The following SPMIP3 variants were observed in gnomAD, a reference collection of about 807,000 sequenced individuals.
SPMIP3 encodes the protein protein SPMIP3.
At chr1:244,369,230 C>G in the SPMIP3 span, among the ~76,000 whole-genome samples, 1 of 152,210 alleles carries the variant, frequency 6.6e-6, no homozygotes, top group Non-Finnish European at 1.5e-5. Flanking sequence ...AGGCCTGTCA[C>G]TCAGAGAAGG....
At chr1:244,359,047 C>T in the SPMIP3 span, among the ~76,000 whole-genome samples, 2 of 149,800 alleles carry the variant, frequency 1.3e-5, no homozygotes, top group African/African-American at 4.9e-5. Context: ...TGGTATGGGG[C>T]TATATTTTTT....
chr1:244,387,081 T>C, the SPMIP3 span, among the ~76,000 whole-genome samples: 1 of 152,222 alleles, frequency 6.6e-6, no homozygotes, highest in Non-Finnish European at 1.5e-5. Flanking sequence ...GGTGGGCGGA[T>C]CACTTGGGGT....
the SPMIP3 span, among the ~76,000 whole-genome samples, chr1:244,355,685 C>A: frequency 6.6e-6 from 1 of 152,106 alleles, no homozygotes; most frequent in African/African-American, 2.4e-5. Context: ...CGCGCCCAGC[C>A]CCAAATAAAT....
chr1:244,365,705 C>G, the SPMIP3 span, among the ~76,000 whole-genome samples: 2 of 152,154 alleles, frequency 1.3e-5, no homozygotes, highest in African/African-American at 2.4e-5. Flanking sequence ...GAAAAAGAAG[C>G]CTCACACTCA....
chr1:244,353,800 C>T, the SPMIP3 span, among the ~76,000 whole-genome samples: 1 of 152,160 alleles, frequency 6.6e-6, no homozygotes, highest in Non-Finnish European at 1.5e-5. Context: ...AAACTGCCTG[C>T]CTGAGAAAAC....
the SPMIP3 span, among the ~76,000 whole-genome samples, chr1:244,370,182 C>CACCA: frequency 3.3e-3 from 502 of 152,290 alleles, 3 homozygotes; most frequent in African/African-American, 0.011. Context: ...AGATGTTAGC[C>CACCA]ACCAAGTACA....
At chr1:244,374,769 T>C in the SPMIP3 span, among the ~76,000 whole-genome samples, 1 of 151,750 alleles carries the variant, frequency 6.6e-6, no homozygotes, top group African/African-American at 2.4e-5. Flanking sequence ...GCTTTTTTTT[T>C]GTATTTTTAG....
chr1:244,361,408 T>C, the SPMIP3 span, among the ~76,000 whole-genome samples: 15 of 152,122 alleles, frequency 9.9e-5, no homozygotes, highest in Admixed American at 5.2e-4. Flanking sequence ...GTTGTATTTT[T>C]AGTAAAGACG....
the SPMIP3 span, among the ~76,000 whole-genome samples, chr1:244,385,834 G>A: frequency 2.5e-3 from 382 of 152,170 alleles, 2 homozygotes; most frequent in African/African-American, 8.5e-3. Flanking sequence ...GGTGCACAAG[G>A]TAAAAATCAT....
the SPMIP3 span, among the ~76,000 whole-genome samples, chr1:244,373,376 G>C: frequency 2.6e-5 from 2 of 77,780 alleles, no homozygotes; most frequent in East Asian, 9.3e-4. Flanking sequence ...GTACATGCCT[G>C]TAGTCCCTCC....
At chr1:244,358,646 CAT>C in the SPMIP3 span, among the ~76,000 whole-genome samples, 40 of 150,780 alleles carry the variant, frequency 2.7e-4, no homozygotes, top group African/African-American at 9.0e-4. Context: ...TATACACACA[CAT>C]ATATATGATA....
the SPMIP3 span, among the ~76,000 whole-genome samples, chr1:244,372,411 G>T: frequency 1.3e-5 from 2 of 151,798 alleles, no homozygotes; most frequent in South Asian, 4.2e-4. Context: ...GATACGTTAT[G>T]CAAAATGATG....
chr1:244,376,311 A>G, the SPMIP3 span: 4 of 152,270 alleles, frequency 2.6e-5, no homozygotes, highest in Non-Finnish European at 5.9e-5. Context: ...TCAGGCAAAC[A>G]TAACTGATGA....
chr1:244,364,788 A>G, the SPMIP3 span: 1 of 1,611,326 alleles, frequency 6.2e-7, no homozygotes, highest in Non-Finnish European at 8.5e-7. Context: ...AGCCTCCGGG[A>G]CTGAAGCCAG....
At chr1:244,372,911 G>A in the SPMIP3 span, among the ~76,000 whole-genome samples, 1 of 152,116 alleles carries the variant, frequency 6.6e-6, no homozygotes, top group Non-Finnish European at 1.5e-5. Context: ...TGAAGATGCA[G>A]CTTTGTCTTG....
chr1:244,360,925 T>C, the SPMIP3 span, among the ~76,000 whole-genome samples: 1 of 146,374 alleles, frequency 6.8e-6, no homozygotes, highest in South Asian at 2.2e-4. Context: ...TACAACAACA[T>C]GAAGGGAACT....
chr1:244,371,063 C>T, the SPMIP3 span, among the ~76,000 whole-genome samples: 1 of 152,292 alleles, frequency 6.6e-6, no homozygotes, highest in African/African-American at 2.4e-5. Context: ...GAGGGACCGA[C>T]ACCTCTGGCC....
At chr1:244,384,034 AT>A in the SPMIP3 span, among the ~76,000 whole-genome samples, 2 of 152,184 alleles carry the variant, frequency 1.3e-5, no homozygotes, top group African/African-American at 4.8e-5. Flanking sequence ...AGAGCTTACC[AT>A]GTAACCAAAC....
At chr1:244,352,746 T>G in the SPMIP3 span, 4 of 152,242 alleles carry the variant, frequency 2.6e-5, no homozygotes, top group African/African-American at 9.6e-5. Flanking sequence ...TAATAGCGGT[T>G]GGTTGTTACT....
Sources: gnomAD v4.1 joint callset for allele counts (sites outside exome capture counted in the v4.1 genomes callset) on GRCh38, gnomAD v4.1.1 for gene constraint, MANE v1.5 for transcripts, NCBI Gene and HGNC (gene_info 2026-07-23, HGNC 2026-07-21) for gene names.